The following SMAP1 variants were observed in gnomAD, a reference collection of about 807,000 sequenced individuals.
The protein encoded by SMAP1 is small ArfGAP 1.
Under a neutral mutation model 58.5 loss-of-function variants are expected in SMAP1, and 24 were observed. The observed-to-expected ratio is 0.41, with a 90% CI of 0.30 to 0.58. The LOEUF is 0.58. Among genes scored for constraint, SMAP1 ranks in the 20% least tolerant of loss-of-function variants. The probability of loss-of-function intolerance (pLI) is 0.29; values close to 1 mark genes in which losing one functional copy is unlikely to be tolerated. For missense variants in SMAP1, 563 were observed against 566.3 expected (o/e 0.99, Z 0.06); for synonymous variants, 216 against 196.6 (o/e 1.10, Z -0.82).
At chr6:70,809,161 A>T (rs1769279530) in intron 6 of SMAP1, among the ~76,000 whole-genome samples, 1 of 152,216 alleles carries the variant, frequency 6.6e-6, no homozygotes, top group East Asian at 1.9e-4. Context: ...CAGGAAGGAA[A>T]GTGGAGAAGC....
rs66981900 is a variant in SMAP1, at chr6:70,682,170, A to ATT, written c.118+14064_118+14065dup. Among the ~76,000 whole-genome samples, 309 of 95,890 alleles carry ATT rather than the reference A, an allele frequency of 3.2e-3. 32 individuals are homozygous for ATT. Among genetic ancestry groups the ATT allele is most frequent in the Non-Finnish European group, 3.9e-3 (196 of 50,656 alleles). The allele number at this position is 95,890 out of a possible 152,430, so 62.9% of individuals were successfully genotyped here. A position where few individuals can be genotyped will look rare whatever the true frequency, so the allele number is the denominator to read the frequency against. On this transcript the variant is annotated intron_variant, in intron 1 of 10. Transcript: ENST00000370455. ...GGATTTAAGGTTATTCTCTGCACAG[A>ATT]TTTTTTTTTTTTTTTTTTTTTTTTT...
At chr6:70,719,598 C>T (rs972631488) in intron 1 of SMAP1, among the ~76,000 whole-genome samples, 4 of 152,202 alleles carry the variant, frequency 2.6e-5, no homozygotes, top group South Asian at 2.1e-4. Flanking sequence ...TCGGTTTTCA[C>T]GCTGCTGTTA....
At chr6:70,679,020 G>GT (rs531088508) in intron 1 of SMAP1, among the ~76,000 whole-genome samples, 2,107 of 136,926 alleles carry the variant, frequency 0.015, 15 homozygotes, top group African/African-American at 0.024. Flanking sequence ...TAGATTTTTT[G>GT]TTTTTTTTTT....
chr6:70,724,832 G>T (rs989359631), intron 1 of SMAP1, among the ~76,000 whole-genome samples: 21 of 151,818 alleles, frequency 1.4e-4, no homozygotes, highest in African/African-American at 4.8e-4. Flanking sequence ...ATATTTTAAA[G>T]AACTTTTTTC....
rs1034727662 is a variant in SMAP1, at chr6:70,677,261, A to G, written c.118+9120A>G. Among the ~76,000 whole-genome samples, 3 of 149,824 alleles carry G rather than the reference A, an allele frequency of 2.0e-5. No homozygotes were observed. The South Asian group carries it at 6.3e-4, about 31-fold the overall frequency. ...CTTTTTAAACCATAGAAACAGCATG[A>G]TAGAATTGAAAGAACACTAGCTTGG... On this transcript the variant is annotated intron_variant, in intron 1 of 10. Coordinates refer to ENST00000370455, the MANE Select transcript of SMAP1 (RefSeq NM_001044305.3).
intron 1 of SMAP1, among the ~76,000 whole-genome samples, chr6:70,698,704 T>G (rs970554903): frequency 6.6e-6 from 1 of 152,192 alleles, no homozygotes; most frequent in Non-Finnish European, 1.5e-5. Context: ...AGTATGTCAG[T>G]TGAATTTTTC....
chr6:70,847,235 T>G (rs1771027099), intron 7 of SMAP1, among the ~76,000 whole-genome samples: 1 of 152,160 alleles, frequency 6.6e-6, no homozygotes, highest in African/African-American at 2.4e-5. Flanking sequence ...CCCTCATGAC[T>G]TTGTCATATT....
intron 6 of SMAP1, among the ~76,000 whole-genome samples, chr6:70,822,076 C>T (rs1270121692): frequency 6.6e-6 from 1 of 152,074 alleles, no homozygotes; most frequent in Non-Finnish European, 1.5e-5. Context: ...TACAGTTCTT[C>T]TTAGTAAATT....
intron 1 of SMAP1, chr6:70,668,547 C>G: frequency 6.5e-7 from 1 of 1,527,498 alleles, no homozygotes. Context: ...TGGGTGGGGC[C>G]GCGCTTAGGT....
In SMAP1 at chr6:70,861,936, G is replaced by C; in HGVS notation, c.*1602G>C. The C allele has an allele frequency of 6.2e-7, 1 of 1,613,628 alleles. No homozygotes were observed. The highest frequency in any genetic ancestry group is 8.5e-7 in the Non-Finnish European group (1 of 1,179,786). ...CTGGGATCCACGACGCTTAAATACAGCTTTTGGATTGGACAAAATGACTTG... is the reference window on the plus strand; with the variant it reads ...CTGGGATCCACGACGCTTAAATACACCTTTTGGATTGGACAAAATGACTTG... On this transcript the variant is annotated 3_prime_UTR_variant, in exon 11 of 11. Transcript: ENST00000370455.
At chr6:70,764,377 T>C (rs1766874154) in intron 3 of SMAP1, among the ~76,000 whole-genome samples, 1 of 152,210 alleles carries the variant, frequency 6.6e-6, no homozygotes, top group Non-Finnish European at 1.5e-5. Context: ...AAGATGCCAT[T>C]GAGGACGTTC....
chr6:70,693,049 C>G (rs375136671), intron 1 of SMAP1, among the ~76,000 whole-genome samples: 2 of 152,120 alleles, frequency 1.3e-5, no homozygotes, highest in African/African-American at 4.8e-5. Flanking sequence ...TCCCAAAGTG[C>G]TGGGATTACA....
chr6:70,806,446 A>AC (rs1220591866), intron 6 of SMAP1, among the ~76,000 whole-genome samples: 1 of 151,234 alleles, frequency 6.6e-6, no homozygotes, highest in Non-Finnish European at 1.5e-5. Context: ...GAAATCCGTG[A>AC]CCCCCTGTGC....
chr6:70,821,800 T>A (rs1206067089), intron 6 of SMAP1, among the ~76,000 whole-genome samples: 4 of 152,300 alleles, frequency 2.6e-5, no homozygotes, highest in Non-Finnish European at 5.9e-5. Context: ...TAATAGCTTT[T>A]TAACACTTGC....
intron 4 of SMAP1, among the ~76,000 whole-genome samples, chr6:70,787,520 A>C (rs1420251464): frequency 6.1e-5 from 9 of 146,854 alleles, no homozygotes; most frequent in African/African-American, 2.3e-4. Flanking sequence ...GCAACCTACA[A>C]AATGGGAGAA....
intron 7 of SMAP1, among the ~76,000 whole-genome samples, chr6:70,840,132 C>G (rs149875672): frequency 6.6e-6 from 1 of 152,176 alleles, no homozygotes; most frequent in Non-Finnish European, 1.5e-5. Context: ...CTAGAACAGA[C>G]ATTAACTTAA....
chr6:70,808,168 G>A (rs1365433773), intron 6 of SMAP1, among the ~76,000 whole-genome samples: 1 of 152,102 alleles, frequency 6.6e-6, no homozygotes, highest in African/African-American at 2.4e-5. Flanking sequence ...TGGCAGAGGT[G>A]GAAGAAAATC....
Position 70,773,374 on chromosome 6 carries a change from T to G in SMAP1, c.363T>G (p.Asp121Glu), listed in dbSNP as rs147135200. ...GAGCAGTGGAATTTTTCATCAGAGA[T>G]AAATATGAAAAGAAGAAATACTACG... ...TDQAVEFFIR[D>E]KYEKKKYYDK... Residue 121 changes from aspartate (D) to glutamate (E), a missense_variant, in exon 4 of 11, where the codon GAT (aspartate) becomes GAG (glutamate). Transcript: ENST00000370455. 8 of 1,574,994 alleles carry G rather than the reference T, an allele frequency of 5.1e-6. No individual in the cohort carries two copies. The highest frequency in any genetic ancestry group is 2.3e-5 in the East Asian group (1 of 44,430).
chr6:70,850,989 A>C (rs760437592), intron 7 of SMAP1, among the ~76,000 whole-genome samples: 8 of 152,162 alleles, frequency 5.3e-5, no homozygotes, highest in African/African-American at 1.2e-4. Context: ...GTCTCAGTTT[A>C]AAATTCTATA....
Sources: gnomAD v4.1 joint callset for allele counts (sites outside exome capture counted in the v4.1 genomes callset) on GRCh38, gnomAD v4.1.1 for gene constraint, MANE v1.5 for transcripts, NCBI Gene and HGNC (gene_info 2026-07-23, HGNC 2026-07-21) for gene names.